The following COG5 variants were observed in gnomAD, a reference collection of about 807,000 sequenced individuals.
The protein encoded by COG5 is component of oligomeric golgi complex 5, also known as conserved oligomeric Golgi complex subunit 5.
Under a neutral mutation model 110.4 loss-of-function variants are expected in COG5, and 86 were observed. The observed-to-expected ratio is 0.78, with a 90% CI of 0.65 to 0.93. The LOEUF is 0.93. Among genes scored for constraint, COG5 ranks in the 40% least tolerant of loss-of-function variants. The probability of loss-of-function intolerance (pLI) is 0.00; values close to 1 mark genes in which losing one functional copy is unlikely to be tolerated. For synonymous variants in COG5, 360 were observed against 334.6 expected, an observed-to-expected ratio of 1.08 and a Z score of -0.83; for missense variants, 1,077 against 987.0, an observed-to-expected ratio of 1.09 and a Z score of -1.22.
chr7:107,400,917 C>T (rs1019928790), intron 7 of COG5, among the ~76,000 whole-genome samples: 8 of 151,508 alleles, frequency 5.3e-5, no homozygotes, highest in African/African-American at 7.3e-5. Flanking sequence ...ATTGACACAT[C>T]GTAAAAGAGG....
intron 6 of COG5, among the ~76,000 whole-genome samples, chr7:107,415,444 T>C (rs1022450246): frequency 6.6e-6 from 1 of 151,916 alleles, no homozygotes; most frequent in Non-Finnish European, 1.5e-5. Flanking sequence ...GCTATTTGAG[T>C]TTATTACACA....
intron 17 of COG5, 126 bp from the exon 18 acceptor site, chr7:107,236,813 A>G: frequency 1.4e-6 from 1 of 733,504 alleles, no homozygotes; most frequent in East Asian, 2.6e-5. Context: ...ATGGTATAAA[A>G]GACATTAATT....
At chr7:107,552,333 G>A (rs1802964925) in intron 3 of COG5, among the ~76,000 whole-genome samples, 1 of 152,066 alleles carries the variant, frequency 6.6e-6, no homozygotes, top group African/African-American at 2.4e-5. Flanking sequence ...ACTATCAATA[G>A]AATAAACAGA....
At chr7:107,420,805 A>T (rs1468204750) in intron 6 of COG5, among the ~76,000 whole-genome samples, 2 of 152,206 alleles carry the variant, frequency 1.3e-5, no homozygotes, top group South Asian at 4.1e-4. Flanking sequence ...ATACCATCAC[A>T]TAAACTATGC....
At chr7:107,517,001 A>G (rs1280129436) in intron 6 of COG5, among the ~76,000 whole-genome samples, 1 of 152,222 alleles carries the variant, frequency 6.6e-6, no homozygotes, top group East Asian at 1.9e-4. Flanking sequence ...TGGACGGAGG[A>G]TGAGATGAAC....
intron 3 of COG5, among the ~76,000 whole-genome samples, chr7:107,549,427 T>C (rs1401472258): frequency 6.6e-6 from 1 of 152,166 alleles, no homozygotes; most frequent in Non-Finnish European, 1.5e-5. Context: ...AGTCTCGCTC[T>C]GTCGCCCAGG....
intron 6 of COG5, among the ~76,000 whole-genome samples, chr7:107,526,868 T>G (rs1205058360): frequency 2.0e-5 from 3 of 152,206 alleles, no homozygotes; most frequent in African/African-American, 7.2e-5. Flanking sequence ...GATCAGTGGC[T>G]GTCAGGACTA....
intron 1 of COG5, chr7:107,563,547 G>GC (rs1804145474): frequency 1.3e-4 from 35 of 272,348 alleles, no homozygotes; most frequent in South Asian, 8.9e-4. Flanking sequence ...GGAGGCATGG[G>GC]GGGGGGGGGG....
chr7:107,342,152 T>TAA (rs1811215165), intron 10 of COG5, among the ~76,000 whole-genome samples: 1 of 152,036 alleles, frequency 6.6e-6, no homozygotes, highest in South Asian at 2.1e-4. Context: ...ATCCAGAATC[T>TAA]GTAAGGAACT....
Position 107,258,401 on chromosome 7 carries a change from C to A in COG5, c.1576-18G>T. ...GTGGAGAGCTGTAAGAATTCAATTT[C>A]AAAAGAATGTGTCAGAATGATAATT... On this transcript the variant is annotated intron_variant, in intron 14 of 21. Coordinates refer to ENST00000297135, the MANE Select transcript of COG5 (RefSeq NM_006348.5). The A allele has an allele frequency of 7.4e-7, 1 of 1,355,828 alleles. No individual in the cohort carries two copies. The highest frequency in any genetic ancestry group is 1.1e-6 in the Non-Finnish European group (1 of 945,038). 84.0% of individuals were successfully genotyped at this position (1,355,828 alleles called of 1,614,324 possible). A position where few individuals can be genotyped will look rare whatever the true frequency, so the allele number is the denominator to read the frequency against.
intron 17 of COG5, among the ~76,000 whole-genome samples, chr7:107,247,439 A>G (rs1209576780): frequency 6.6e-6 from 1 of 152,224 alleles, no homozygotes; most frequent in Non-Finnish European, 1.5e-5. Flanking sequence ...AGGACAGTGA[A>G]ATAATATTTT....
chr7:107,312,747 G>C (rs6977966), intron 11 of COG5, among the ~76,000 whole-genome samples: 13,959 of 152,120 alleles, frequency 0.092, 974 homozygotes, highest in African/African-American at 0.2. Flanking sequence ...GAGAGTAATG[G>C]AAGAAGAGTG....
intron 5 of COG5, among the ~76,000 whole-genome samples, chr7:107,531,188 C>A (rs914905405): frequency 7.9e-5 from 12 of 152,060 alleles, no homozygotes; most frequent in Non-Finnish European, 1.0e-4. Context: ...TTCCCACAGA[C>A]TGGGTTTTGT....
At chr7:107,269,423 C>T (rs566948281) in intron 14 of COG5, among the ~76,000 whole-genome samples, 5 of 149,866 alleles carry the variant, frequency 3.3e-5, no homozygotes, top group African/African-American at 4.9e-5. Flanking sequence ...TGCAGTGAGC[C>T]GAGATCGTGC....
intron 10 of COG5, among the ~76,000 whole-genome samples, chr7:107,354,842 C>A (rs1812488330): frequency 6.6e-6 from 1 of 152,102 alleles, no homozygotes; most frequent in Non-Finnish European, 1.5e-5. Flanking sequence ...CATGACCTAC[C>A]CAAGGTTGCA....
chr7:107,311,668 C>A (rs1298727675), intron 11 of COG5, among the ~76,000 whole-genome samples: 1 of 151,926 alleles, frequency 6.6e-6, no homozygotes, highest in Non-Finnish European at 1.5e-5. Flanking sequence ...GCTGGGATTA[C>A]AGGCGTGAGC....
chr7:107,314,579 C>G (rs1421944338), intron 11 of COG5, among the ~76,000 whole-genome samples: 3 of 101,064 alleles, frequency 3.0e-5, no homozygotes, highest in Non-Finnish European at 1.8e-5. Flanking sequence ...CCCATCTCTA[C>G]TACAAAAAAA....
chr7:107,364,121 A>C (rs1340085365), intron 8 of COG5, among the ~76,000 whole-genome samples: 1 of 152,232 alleles, frequency 6.6e-6, no homozygotes, highest in African/African-American at 2.4e-5. Context: ...ATAATGAAAC[A>C]AACTGAAATA....
chr7:107,394,601 T>G (rs1790854819), intron 7 of COG5, among the ~76,000 whole-genome samples: 2 of 152,178 alleles, frequency 1.3e-5, no homozygotes, highest in Admixed American at 6.5e-5. Flanking sequence ...TTTCATGAAA[T>G]AGCAAGCAAT....
Sources: allele counts gnomAD v4.1 joint callset (sites outside exome capture counted in the v4.1 genomes callset), GRCh38; gene constraint gnomAD v4.1.1; transcripts MANE v1.5; gene names NCBI Gene and HGNC (gene_info 2026-07-23, HGNC 2026-07-21).